Variants in RARB observed in about 807,000 individuals in gnomAD.
The protein encoded by RARB is HBV-activated protein.
In RARB, 17 loss-of-function variants were observed where a neutral mutation model predicts 51.9. The observed-to-expected ratio is 0.33, with a 90% CI of 0.22 to 0.49. RARB has a LOEUF of 0.49. RARB is among the 20% of genes least tolerant of loss of function. RARB has a pLI of 0.99. For missense variants in RARB, 369 were observed against 550.8 expected, an observed-to-expected ratio of 0.67 and a Z score of 3.30; for synonymous variants, 215 against 195.4, an observed-to-expected ratio of 1.10 and a Z score of -0.84.
intron 2 of RARB, among the ~76,000 whole-genome samples, chr3:24,919,365 A>G (rs1461569044): frequency 1.3e-5 from 2 of 152,086 alleles, no homozygotes; most frequent in South Asian, 2.1e-4. Context: ...AAAGTGAACT[A>G]TAACCGAAAT....
At position 25,569,551 on chromosome 3, in the gene RARB, T is replaced by C. The variant is rs116220148; in HGVS notation, c.449-207T>C. On this transcript the variant is annotated intron_variant, in intron 3 of 7. Transcript: ENST00000330688. ...CAAACAACTGACGGGCACATGCATA[T>C]ACAGAAAGACAAACCTAGCTCTCTG... 8.5e-3 allele frequency among the ~76,000 whole-genome samples: 1,290 copies of C among 152,322 alleles called. 15 individuals carry two copies. The highest frequency in any genetic ancestry group is 0.027 in the African/African-American group (1,130 of 41,574).
At chr3:25,190,406 T>C (rs1701074494) in intron 5 of RARB, among the ~76,000 whole-genome samples, 1 of 152,104 alleles carries the variant, frequency 6.6e-6, no homozygotes, top group Non-Finnish European at 1.5e-5. Flanking sequence ...TATGCATATA[T>C]ATGTGTGTAT....
intron 2 of RARB, among the ~76,000 whole-genome samples, chr3:25,017,206 T>A (rs1697528576): frequency 6.8e-6 from 1 of 147,610 alleles, no homozygotes; most frequent in Admixed American, 6.6e-5. Flanking sequence ...ACAAATTAAC[T>A]AGCTTTCCCC....
At chr3:25,104,021 G>C (rs117287612) in intron 3 of RARB, among the ~76,000 whole-genome samples, 1 of 152,132 alleles carries the variant, frequency 6.6e-6, no homozygotes, top group Admixed American at 6.5e-5. Context: ...CAGATATGCC[G>C]TACAGTTTCT....
At chr3:25,237,552 T>G (rs1261438068) in intron 5 of RARB, among the ~76,000 whole-genome samples, 1 of 152,166 alleles carries the variant, frequency 6.6e-6, no homozygotes, top group Non-Finnish European at 1.5e-5. Flanking sequence ...AACTTTTGAT[T>G]AGAAACTCTT....
intron 2 of RARB, among the ~76,000 whole-genome samples, chr3:25,038,898 C>G (rs991510568): frequency 6.6e-6 from 1 of 152,180 alleles, no homozygotes; most frequent in East Asian, 1.9e-4. Context: ...GAAATCTAAT[C>G]TCTGAGACCA....
chr3:25,128,644 C>T (rs1603973), intron 3 of RARB, among the ~76,000 whole-genome samples: 1 of 150,766 alleles, frequency 6.6e-6, no homozygotes, highest in African/African-American at 2.4e-5. Context: ...CAAGTTAGGG[C>T]ACATTATTTT....
intron 2 of RARB, among the ~76,000 whole-genome samples, chr3:24,879,859 TCA>T (rs893144162): frequency 1.3e-5 from 2 of 152,124 alleles, no homozygotes; most frequent in Non-Finnish European, 2.9e-5. Flanking sequence ...GGTTTTTAGT[TCA>T]CAGTTACATT....
chr3:25,277,070 C>T (rs1575277625), intron 5 of RARB, among the ~76,000 whole-genome samples: 1 of 152,226 alleles, frequency 6.6e-6, no homozygotes, highest in Admixed American at 6.5e-5. Flanking sequence ...TTAATAATAA[C>T]AACAGCAAAG....
At chr3:25,328,403 C>G (rs1180130070) in intron 5 of RARB, among the ~76,000 whole-genome samples, 1 of 152,204 alleles carries the variant, frequency 6.6e-6, no homozygotes, top group East Asian at 1.9e-4. Flanking sequence ...ACCTGTAATC[C>G]CAGCTACTAG....
intron 2 of RARB, among the ~76,000 whole-genome samples, chr3:25,046,486 C>T (rs185306809): frequency 3.9e-5 from 6 of 152,244 alleles, no homozygotes; most frequent in South Asian, 4.2e-4. Context: ...CAGGGTCTCA[C>T]TCTGTCACCC....
At chr3:25,133,215 C>T (rs1699979989) in intron 4 of RARB, among the ~76,000 whole-genome samples, 1 of 152,006 alleles carries the variant, frequency 6.6e-6, no homozygotes. Flanking sequence ...AAACATTTAA[C>T]TTGAACGTCT....
At chr3:25,316,452 G>A (rs374513671) in intron 5 of RARB, among the ~76,000 whole-genome samples, 27 of 152,122 alleles carry the variant, frequency 1.8e-4, no homozygotes, top group African/African-American at 6.3e-4. Flanking sequence ...TAGGATTAAG[G>A]CAAGAAACAG....
chr3:24,840,735 G>A (rs1702410216), intron 1 of RARB, among the ~76,000 whole-genome samples: 1 of 117,074 alleles, frequency 8.5e-6, no homozygotes, highest in Non-Finnish European at 1.7e-5. Context: ...TTAGGCATGA[G>A]TAAGAGTAAA....
At chr3:25,419,650 G>A (rs1182605971) in intron 5 of RARB, among the ~76,000 whole-genome samples, 1 of 152,184 alleles carries the variant, frequency 6.6e-6, no homozygotes, top group Admixed American at 6.6e-5. Flanking sequence ...CACCTGAATA[G>A]ACCCCCAACC....
At chr3:25,419,392 C>T (rs967765480) in intron 5 of RARB, among the ~76,000 whole-genome samples, 13 of 152,112 alleles carry the variant, frequency 8.5e-5, no homozygotes, top group African/African-American at 3.1e-4. Flanking sequence ...CCCTAAGCTG[C>T]CTTAGCAGGA....
intron 5 of RARB, among the ~76,000 whole-genome samples, chr3:25,281,535 G>T (rs1703522863): frequency 6.6e-6 from 1 of 152,158 alleles, no homozygotes; most frequent in African/African-American, 2.4e-5. Context: ...AGAGGGTACA[G>T]TAACAAATAC....
rs1478033883 is a variant in RARB at position 25,142,340 on chromosome 3, A to C, written c.-280+10132A>C. Among the ~76,000 whole-genome samples the C allele has an allele frequency of 7.2e-5, 11 of 152,130 alleles. No homozygotes were observed. The East Asian group carries it at 1.9e-3, about 27-fold the overall frequency. ...CAAGAGCAAGACTCCATCTCAAAAA[A>C]GAAATAATAAAAAAAAAATCTTGAG... On this transcript the variant is annotated intron_variant, in intron 4 of 11. Transcript: ENST00000383772.
chr3:25,376,731 A>G (rs1490111279), intron 5 of RARB, among the ~76,000 whole-genome samples: 4 of 152,230 alleles, frequency 2.6e-5, no homozygotes. Flanking sequence ...GGCTATCCCA[A>G]GAATTGTTTG....
Sources: gnomAD v4.1 joint callset for allele counts (sites outside exome capture counted in the v4.1 genomes callset) on GRCh38, gnomAD v4.1.1 for gene constraint, MANE v1.5 for transcripts, NCBI Gene and HGNC (gene_info 2026-07-23, HGNC 2026-07-21) for gene names.